SLC9B1: variants seen among roughly 807,000 people sequenced by gnomAD.
SLC9B1 encodes solute carrier family 9 member B1.
SLC9B1 carries 32 observed loss-of-function variants against 51.7 expected under a neutral mutation model. The ratio of observed to expected loss-of-function variants is 0.62; its 90% confidence interval spans 0.47 to 0.83. The LOEUF (loss-of-function observed/expected upper bound fraction) is 0.83. SLC9B1 is among the 40% of genes least tolerant of loss of function. The pLI is 0.00. For missense variants in SLC9B1, 406 were observed against 613.2 expected (o/e 0.66, Z 3.57); for synonymous variants, 145 against 212.7 (o/e 0.68, Z 2.77).
intron 1 of SLC9B1, among the ~76,000 whole-genome samples, chr4:103,012,715 G>A (rs964857662): frequency 7.9e-5 from 12 of 152,208 alleles, no homozygotes; most frequent in African/African-American, 2.7e-4. Context: ...TCTGGAGGCT[G>A]GGAAATCCAA....
At chr4:102,929,554 C>G (rs201475429) in intron 7 of SLC9B1, among the ~76,000 whole-genome samples, 59 of 144,896 alleles carry the variant, frequency 4.1e-4, no homozygotes, top group African/African-American at 1.3e-3. Flanking sequence ...ACAGTCTCCC[C>G]CTGTCACCCA....
chr4:102,898,089 G>A (rs1315864343), downstream of SLC9B1: 90 of 487,674 alleles, frequency 1.8e-4, 2 homozygotes, highest in Middle Eastern at 1.1e-3. Context: ...CATGTTGTTG[G>A]AGATTGGTTA....
At chr4:102,980,908 CT>C (rs774962470) in intron 3 of SLC9B1, among the ~76,000 whole-genome samples, 3 of 152,116 alleles carry the variant, frequency 2.0e-5, no homozygotes, top group Admixed American at 6.6e-5. Context: ...TGTTCTATGG[CT>C]TTTAACAAAT....
chr4:103,018,254 G>A (rs1302407914), intron 1 of SLC9B1, among the ~76,000 whole-genome samples: 2 of 152,120 alleles, frequency 1.3e-5, no homozygotes, highest in Non-Finnish European at 1.5e-5. Flanking sequence ...TCTAGTAATT[G>A]GCAGGACCTT....
intron 7 of SLC9B1, chr4:102,912,073 C>A: frequency 4.9e-6 from 1 of 202,892 alleles, no homozygotes. Context: ...GCAGAGTTTG[C>A]AGTGAGCTGA....
intron 10 of SLC9B1, chr4:102,906,297 A>C: frequency 4.2e-6 from 1 of 238,364 alleles, no homozygotes; most frequent in Non-Finnish European, 7.9e-6. Flanking sequence ...CAGGAAAGAA[A>C]TCTTATATTT....
intron 1 of SLC9B1, among the ~76,000 whole-genome samples, chr4:103,016,325 G>A (rs1247767901): frequency 6.6e-6 from 1 of 151,734 alleles, no homozygotes; most frequent in Non-Finnish European, 1.5e-5. Context: ...GTCTAAATAT[G>A]CTTAAGTGTC....
At chr4:102,945,144 A>C in intron 6 of SLC9B1, 49 bp downstream of exon 6, 1 of 1,481,252 alleles carries the variant, frequency 6.8e-7, no homozygotes, top group East Asian at 2.3e-5. Context: ...GTTTTAATGA[A>C]GCATCCTTAA....
chr4:102,966,826 T>A (rs1300755426), intron 3 of SLC9B1, among the ~76,000 whole-genome samples: 1 of 152,224 alleles, frequency 6.6e-6, no homozygotes, highest in African/African-American at 2.4e-5. Context: ...CTCTACCACA[T>A]GGCCAGGCTA....
rs1038583282 is a variant in SLC9B1, at chr4:102,918,584, G to A, written c.830-7047C>T. On this transcript the variant is annotated intron_variant, in intron 7 of 11. Transcript: ENST00000296422. ...CTAATATTCAATGTGATAATATTAA[G>A]AGGTGGGGCATTTTGGAGATGATTA... Among the ~76,000 whole-genome samples the A allele has an allele frequency of 3.3e-5, 5 of 152,182 alleles. No individual in the cohort carries two copies. The East Asian group carries it at 9.6e-4, about 29-fold the overall frequency.
chr4:102,905,236 T>TATTTATTTATTTA (rs57674183), intron 11 of SLC9B1, among the ~76,000 whole-genome samples: 5 of 151,706 alleles, frequency 3.3e-5, no homozygotes, highest in African/African-American at 4.8e-5. Flanking sequence ...TTTATTTATT[T>TATTTATTTATTTA]TTTTGAGATG....
chr4:102,946,174 T>A (rs1737256929), intron 5 of SLC9B1, among the ~76,000 whole-genome samples: 1 of 152,246 alleles, frequency 6.6e-6, no homozygotes, highest in Non-Finnish European at 1.5e-5. Context: ...TCTGTGCAAA[T>A]GATTAGATCG....
intron 11 of SLC9B1, among the ~76,000 whole-genome samples, chr4:102,893,022 T>C (rs1734327345): frequency 6.6e-6 from 1 of 151,906 alleles, no homozygotes; most frequent in African/African-American, 2.4e-5. Context: ...CTCACACCTG[T>C]AATTAATTCC....
At chr4:102,887,930 A>ATTG (rs1359617456) in intron 11 of SLC9B1, 2 of 155,072 alleles carry the variant, frequency 1.3e-5, no homozygotes, top group South Asian at 2.0e-4. Context: ...CTTTATAGAG[A>ATTG]TTGTTGTGTA....
chr4:102,943,801 C>T (rs1578367886), intron 6 of SLC9B1, among the ~76,000 whole-genome samples: 1 of 152,076 alleles, frequency 6.6e-6, no homozygotes, highest in East Asian at 1.9e-4. Context: ...GTGTACACTG[C>T]TCTGGTGATG....
At chr4:103,013,532 C>T (rs1560532515) in intron 1 of SLC9B1, among the ~76,000 whole-genome samples, 1 of 152,202 alleles carries the variant, frequency 6.6e-6, no homozygotes, top group Admixed American at 6.5e-5. Context: ...ACTATTATGG[C>T]TACAATTCTA....
chr4:102,965,788 A>T (rs1193445052), intron 3 of SLC9B1, among the ~76,000 whole-genome samples: 1 of 152,162 alleles, frequency 6.6e-6, no homozygotes, highest in Non-Finnish European at 1.5e-5. Flanking sequence ...AAATAATAAA[A>T]AAAAAAACAA....
chr4:102,970,463 T>G (rs896985426), intron 3 of SLC9B1, among the ~76,000 whole-genome samples: 14 of 152,180 alleles, frequency 9.2e-5, no homozygotes, highest in African/African-American at 2.4e-4. Context: ...CCACCAGGCC[T>G]GCCTTACAAG....
chr4:102,969,752 A>G (rs1190743942), intron 3 of SLC9B1, among the ~76,000 whole-genome samples: 4 of 152,224 alleles, frequency 2.6e-5, no homozygotes, highest in African/African-American at 9.6e-5. Flanking sequence ...CAACGATTAG[A>G]TGAATGGCTA....
Sources: gnomAD v4.1 joint callset for allele counts (sites outside exome capture counted in the v4.1 genomes callset) on GRCh38, gnomAD v4.1.1 for gene constraint, MANE v1.5 for transcripts, NCBI Gene and HGNC (gene_info 2026-07-23, HGNC 2026-07-21) for gene names.